The following XKR4 variants were observed in gnomAD, a reference collection of about 807,000 sequenced individuals.
XKR4 encodes the protein XK-related protein 4.
Under a neutral mutation model 53.9 loss-of-function variants are expected in XKR4, and 12 were observed. The ratio of observed to expected loss-of-function variants is 0.22; its 90% CI spans 0.14 to 0.36. The LOEUF is 0.36. XKR4 is among the 10% of genes least tolerant of loss of function. XKR4 has a pLI of 1.00. For missense variants in XKR4, 799 were observed against 859.5 expected, an observed-to-expected ratio of 0.93 and a Z score of 0.88; for synonymous variants, 354 against 362.4, an observed-to-expected ratio of 0.98 and a Z score of 0.26.
intron 1 of XKR4, among the ~76,000 whole-genome samples, chr8:55,289,127 T>C (rs113396672): frequency 3.9e-4 from 60 of 152,218 alleles, no homozygotes; most frequent in African/African-American, 1.4e-3. Flanking sequence ...TAAACATTTA[T>C]GTATATTAGT....
chr8:55,504,451 G>A (rs148449173), intron 2 of XKR4, among the ~76,000 whole-genome samples: 1 of 151,798 alleles, frequency 6.6e-6, no homozygotes, highest in African/African-American at 2.4e-5. Context: ...CTGATCTCAG[G>A]CAATCTGCCC....
intron 1 of XKR4, among the ~76,000 whole-genome samples, chr8:55,304,253 T>C (rs1184274113): frequency 6.6e-6 from 1 of 152,244 alleles, no homozygotes; most frequent in Non-Finnish European, 1.5e-5. Context: ...CATTTCGTTA[T>C]GTACCCAGTA....
At chr8:55,339,492 C>T (rs1433221306) in intron 1 of XKR4, among the ~76,000 whole-genome samples, 3 of 152,218 alleles carry the variant, frequency 2.0e-5, no homozygotes, top group Non-Finnish European at 2.9e-5. Flanking sequence ...GCAAACCTTA[C>T]AGCTGCCCAC....
At chr8:55,454,939 G>A in intron 2 of XKR4, 1 of 827,990 alleles carries the variant, frequency 1.2e-6, no homozygotes, top group Non-Finnish European at 2.1e-6. Flanking sequence ...TGATGTCGGT[G>A]AGGACAGCAA....
intron 2 of XKR4, among the ~76,000 whole-genome samples, chr8:55,476,693 TAATA>T (rs1805991815): frequency 1.3e-5 from 2 of 152,184 alleles, no homozygotes; most frequent in South Asian, 4.1e-4. Flanking sequence ...ACTCCCACCC[TAATA>T]CTGCGCTTTT....
intron 1 of XKR4, chr8:55,161,485 C>T (rs1816984662): frequency 2.2e-6 from 1 of 454,368 alleles, no homozygotes; most frequent in Non-Finnish European, 4.4e-6. Flanking sequence ...AGTGATGGGT[C>T]CTTTATAGCC....
At chr8:55,183,195 A>G (rs908142231) in intron 1 of XKR4, among the ~76,000 whole-genome samples, 3 of 151,592 alleles carry the variant, frequency 2.0e-5, no homozygotes, top group Admixed American at 6.6e-5. Context: ...TTAAAAATAC[A>G]TATCTTTCTA....
At chr8:55,289,790 A>G (rs1053209033) in intron 1 of XKR4, among the ~76,000 whole-genome samples, 1 of 146,848 alleles carries the variant, frequency 6.8e-6, no homozygotes, top group East Asian at 2.0e-4. Context: ...AGGGAGGGGG[A>G]GAGAGAGAGA....
At chr8:55,193,368 C>T (rs942960567) in intron 1 of XKR4, among the ~76,000 whole-genome samples, 2 of 152,116 alleles carry the variant, frequency 1.3e-5, no homozygotes, top group Admixed American at 1.3e-4. Flanking sequence ...TCCGCCACCC[C>T]ACTGCATGCA....
chr8:55,425,898 C>T (rs1190404344), intron 2 of XKR4, among the ~76,000 whole-genome samples: 1 of 152,140 alleles, frequency 6.6e-6, no homozygotes, highest in African/African-American at 2.4e-5. Flanking sequence ...ATTGAGTGAC[C>T]CAGCTACTTA....
chr8:55,384,826 C>T (rs1406745575), intron 2 of XKR4, among the ~76,000 whole-genome samples: 2 of 152,202 alleles, frequency 1.3e-5, no homozygotes, highest in African/African-American at 2.4e-5. Context: ...GGCAATCATT[C>T]TGACTCTTTA....
chr8:55,175,162 G>A (rs564831008), intron 1 of XKR4, among the ~76,000 whole-genome samples: 5 of 152,168 alleles, frequency 3.3e-5, no homozygotes, highest in African/African-American at 1.2e-4. Flanking sequence ...CGTGAGATTT[G>A]TCAGGAAACT....
chr8:55,384,335 A>C (rs1804278973), intron 2 of XKR4, among the ~76,000 whole-genome samples: 1 of 152,242 alleles, frequency 6.6e-6, no homozygotes, highest in Admixed American at 6.5e-5. Flanking sequence ...GTGTGCTGGG[A>C]AAAATGTGTA....
At chr8:55,495,094 G>T (rs57550725) in intron 2 of XKR4, among the ~76,000 whole-genome samples, 1 of 152,128 alleles carries the variant, frequency 6.6e-6, no homozygotes. Flanking sequence ...AGTCCAGAGC[G>T]GGCTGAGGTA....
chr8:55,514,946 A>C (rs531048896), intron 2 of XKR4, among the ~76,000 whole-genome samples: 96 of 152,324 alleles, frequency 6.3e-4, no homozygotes, highest in African/African-American at 2.3e-3. Context: ...TTCTTGAGAA[A>C]TTTTAATAAA....
chr8:55,184,289 A>G (rs995434086), intron 1 of XKR4, among the ~76,000 whole-genome samples: 3 of 152,086 alleles, frequency 2.0e-5, no homozygotes, highest in African/African-American at 7.2e-5. Flanking sequence ...TATACTGTTT[A>G]TTTACCCTTT....
At chr8:55,156,585 A>G (rs1048222146) in intron 1 of XKR4, among the ~76,000 whole-genome samples, 1 of 152,230 alleles carries the variant, frequency 6.6e-6, no homozygotes, top group Non-Finnish European at 1.5e-5. Context: ...AGAAATGCCT[A>G]AAAAGGGTTA....
chr8:55,283,007 T>C (rs1228723545), intron 1 of XKR4, among the ~76,000 whole-genome samples: 5 of 152,196 alleles, frequency 3.3e-5, no homozygotes, highest in Non-Finnish European at 7.3e-5. Context: ...ATACTTACCA[T>C]GGTGTTACAA....
chr8:55,142,150 A>G (rs1022158998), intron 1 of XKR4: 5 of 455,954 alleles, frequency 1.1e-5, no homozygotes, highest in Admixed American at 9.4e-5. Context: ...CAGGGAGCCC[A>G]CTGGCCTCAC....
Sources: gnomAD v4.1 joint callset for allele counts (sites outside exome capture counted in the v4.1 genomes callset) on GRCh38, gnomAD v4.1.1 for gene constraint, MANE v1.5 for transcripts, NCBI Gene and HGNC (gene_info 2026-07-23, HGNC 2026-07-21) for gene names.